The following RAPGEF4 variants were observed in gnomAD, a reference collection of about 807,000 sequenced individuals.
The protein encoded by RAPGEF4 is RAP guanine-nucleotide-exchange factor (GEF) 4.
Under a neutral mutation model 147.9 loss-of-function variants are expected in RAPGEF4, and 66 were observed. That is an observed-to-expected ratio of 0.45 (90% CI 0.37 to 0.55). RAPGEF4 has a LOEUF of 0.55. Ranked by LOEUF, RAPGEF4 falls within the 20% of genes least tolerant of loss-of-function variation. RAPGEF4 has a pLI of 0.00. For missense variants in RAPGEF4, 1,071 were observed against 1,257.3 expected (o/e 0.85, Z 2.24); for synonymous variants, 419 against 442.7 (o/e 0.95, Z 0.67).
intron 30 of RAPGEF4, among the ~76,000 whole-genome samples, chr2:173,049,137 C>T (rs1409657613): frequency 6.6e-6 from 1 of 152,178 alleles, no homozygotes; most frequent in Admixed American, 6.5e-5. Context: ...GGTCCAAAAA[C>T]AGGATTTCAT....
At chr2:172,763,204 C>T (rs116483733) in intron 1 of RAPGEF4, among the ~76,000 whole-genome samples, 1,539 of 152,296 alleles carry the variant, frequency 0.01, 29 homozygotes, top group African/African-American at 0.035. Context: ...TCTTCACCAT[C>T]ATTTTATCAT....
At chr2:172,856,937 T>C (rs1306597830) in intron 4 of RAPGEF4, among the ~76,000 whole-genome samples, 5 of 152,034 alleles carry the variant, frequency 3.3e-5, no homozygotes, top group Admixed American at 6.6e-5. Context: ...GGGTAATTTA[T>C]CAAGTGCCAT....
chr2:172,788,984 G>A (rs1450871249), intron 1 of RAPGEF4, among the ~76,000 whole-genome samples: 1 of 152,094 alleles, frequency 6.6e-6, no homozygotes, highest in Non-Finnish European at 1.5e-5. Flanking sequence ...CATCATTTTT[G>A]GCAGAATTCA....
chr2:172,796,192 A>T (rs1044817626), intron 2 of RAPGEF4, among the ~76,000 whole-genome samples: 1 of 152,178 alleles, frequency 6.6e-6, no homozygotes, highest in Non-Finnish European at 1.5e-5. Context: ...ACAAGAGGGC[A>T]TGAGTGTTTC....
In RAPGEF4 at chr2:172,967,412, C is replaced by T. The variant is rs369165263; in HGVS notation, c.972C>T (p.Pro324=). 1.5e-5 allele frequency: 24 copies of T among 1,611,578 alleles called. No homozygotes were observed. The East Asian group carries it at 1.6e-4, about 10-fold the overall frequency. ...DTMLLLSQMG[P]DAHMRMILRK... ...TGCTGCTGCTGTCACAGATGGGCCC[C>T]GACGCCCACATGAGGATGATCCTTC... The change falls in exon 10 of 31, where the codon CCC becomes CCT. Residue 324 remains proline (P), a synonymous_variant. Transcript: ENST00000397081.
chr2:173,022,875 G>A (rs1043762442), intron 23 of RAPGEF4, among the ~76,000 whole-genome samples: 3 of 152,188 alleles, frequency 2.0e-5, no homozygotes, highest in Non-Finnish European at 2.9e-5. Flanking sequence ...TCAGTACAGA[G>A]CAAATTCCTA....
Position 172,866,210 on chromosome 2 carries a change from T to C in RAPGEF4, c.445-51592T>C, listed in dbSNP as rs918532678. Among the ~76,000 whole-genome samples the C allele has an allele frequency of 2.0e-5, 3 of 151,952 alleles. No homozygotes were observed. The East Asian group carries it at 5.8e-4, about 29-fold the overall frequency. On this transcript the variant is annotated intron_variant, in intron 4 of 30. Coordinates refer to ENST00000397081, the MANE Select transcript of RAPGEF4 (RefSeq NM_007023.4). ...ATAGCCAATCTTTGTCATGGAATTG[T>C]CTATTTGTTGTATCCATTTCTTCCC...
At chr2:172,738,101 AT>A (rs1427595139) in intron 1 of RAPGEF4, among the ~76,000 whole-genome samples, 1 of 152,052 alleles carries the variant, frequency 6.6e-6, no homozygotes, top group Non-Finnish European at 1.5e-5. Context: ...TTGTTTATTT[AT>A]TTATTTTTTT....
At chr2:172,903,313 G>A (rs975344632) in intron 4 of RAPGEF4, among the ~76,000 whole-genome samples, 1 of 147,894 alleles carries the variant, frequency 6.8e-6, no homozygotes, top group Admixed American at 6.9e-5. Context: ...AGCTTGCAGT[G>A]AGCGGAGATT....
At chr2:172,827,669 A>G (rs1425811073) in intron 4 of RAPGEF4, among the ~76,000 whole-genome samples, 2 of 152,138 alleles carry the variant, frequency 1.3e-5, no homozygotes, top group East Asian at 3.9e-4. Context: ...AAGGTACATA[A>G]TATCCCTAAA....
chr2:172,777,364 T>TA (rs1053077432), intron 1 of RAPGEF4, among the ~76,000 whole-genome samples: 1,695 of 149,422 alleles, frequency 0.011, 34 homozygotes, highest in African/African-American at 0.037. Context: ...AATAGTTATT[T>TA]AAAAAAAAAA....
intron 1 of RAPGEF4, among the ~76,000 whole-genome samples, chr2:172,743,726 T>C (rs981682386): frequency 6.6e-6 from 1 of 152,192 alleles, no homozygotes; most frequent in African/African-American, 2.4e-5. Flanking sequence ...AGGGAAGCTC[T>C]TGCTTTACCC....
intron 1 of RAPGEF4, among the ~76,000 whole-genome samples, chr2:172,787,610 T>TATTTATTC (rs1685344586): frequency 6.6e-6 from 1 of 150,802 alleles, no homozygotes; most frequent in Non-Finnish European, 1.5e-5. Flanking sequence ...TTTATTTATT[T>TATTTATTC]ATTTATTTAT....
At chr2:172,807,674 CTT>C (rs1359490755) in intron 3 of RAPGEF4, among the ~76,000 whole-genome samples, 2 of 152,156 alleles carry the variant, frequency 1.3e-5, no homozygotes, top group Non-Finnish European at 2.9e-5. Context: ...TAAAATAAAA[CTT>C]ATAAAAATAT....
At chr2:173,040,306 A>C (rs1249864291) in intron 29 of RAPGEF4, among the ~76,000 whole-genome samples, 1 of 152,192 alleles carries the variant, frequency 6.6e-6, no homozygotes, top group Non-Finnish European at 1.5e-5. Flanking sequence ...AGGTTTCCAA[A>C]ATTTTCTCCC....
chr2:173,034,661 G>A (rs1433494637), intron 27 of RAPGEF4, among the ~76,000 whole-genome samples: 1 of 151,982 alleles, frequency 6.6e-6, no homozygotes, highest in East Asian at 1.9e-4. Flanking sequence ...ATTACTTGAG[G>A]TCAGGAATTC....
intron 4 of RAPGEF4, among the ~76,000 whole-genome samples, chr2:172,820,453 G>A (rs1236094035): frequency 6.6e-6 from 1 of 152,208 alleles, no homozygotes; most frequent in Non-Finnish European, 1.5e-5. Flanking sequence ...TTTGTAGTCT[G>A]ACCTGTGTCA....
intron 1 of RAPGEF4, among the ~76,000 whole-genome samples, chr2:172,748,946 A>C (rs966700254): frequency 5.3e-5 from 8 of 152,212 alleles, no homozygotes; most frequent in African/African-American, 1.9e-4. Flanking sequence ...GGGCAGTCAA[A>C]TCTTAAGACT....
chr2:173,026,014 A>G (rs549373765), intron 23 of RAPGEF4, among the ~76,000 whole-genome samples: 43 of 152,288 alleles, frequency 2.8e-4, no homozygotes, highest in African/African-American at 8.7e-4. Flanking sequence ...ACATCTGCCC[A>G]AGAGTAGAGG....
Sources: allele counts gnomAD v4.1 joint callset (sites outside exome capture counted in the v4.1 genomes callset), GRCh38; gene constraint gnomAD v4.1.1; transcripts MANE v1.5; gene names NCBI Gene and HGNC (gene_info 2026-07-23, HGNC 2026-07-21).